Variants in COX16 observed in about 807,000 individuals in gnomAD.
The protein encoded by COX16 is cytochrome c oxidase assembly factor COX16.
In COX16, 12 loss-of-function variants were observed where a neutral mutation model predicts 15.4. The observed-to-expected ratio is 0.78, with a 90% confidence interval of 0.50 to 1.26. COX16 has a LOEUF of 1.26. COX16 is among the 50% of genes most tolerant of loss of function. The pLI, the probability that COX16 is intolerant of heterozygous loss-of-function variation, is 0.00. For synonymous variants in COX16, 46 were observed against 41.1 expected, an observed-to-expected ratio of 1.12 and a Z score of -0.46; for missense variants, 124 against 127.6, an observed-to-expected ratio of 0.97 and a Z score of 0.14.
At chr14:70,351,083 AG>A (rs562518823) in intron 1 of COX16, among the ~76,000 whole-genome samples, 111 of 152,348 alleles carry the variant, frequency 7.3e-4, no homozygotes, top group African/African-American at 2.6e-3. Flanking sequence ...CCATTCTTCA[AG>A]GGGGGATGAA....
At chr14:70,341,418 G>C (rs1374494403) in intron 2 of COX16, among the ~76,000 whole-genome samples, 1 of 152,126 alleles carries the variant, frequency 6.6e-6, no homozygotes, top group Non-Finnish European at 1.5e-5. Flanking sequence ...ACTGAGGTCT[G>C]CTAATAAAAT....
chr14:70,345,125 A>C (rs1886737996), intron 1 of COX16, among the ~76,000 whole-genome samples: 1 of 152,188 alleles, frequency 6.6e-6, no homozygotes, highest in African/African-American at 2.4e-5. Flanking sequence ...CAGCAGCCAG[A>C]CAAAGGAAGC....
chr14:70,352,638 TTTTTTTC>T (rs1306132830), intron 1 of COX16, among the ~76,000 whole-genome samples: 1,374 of 112,506 alleles, frequency 0.012, 31 homozygotes, highest in Non-Finnish European at 0.018. Context: ...TATATTTCTT[TTTTTTTC>T]TTTTTTTTTT....
intron 1 of COX16, among the ~76,000 whole-genome samples, chr14:70,352,287 A>C (rs1886978554): frequency 6.6e-6 from 1 of 152,116 alleles, no homozygotes; most frequent in African/African-American, 2.4e-5. Context: ...CCCAGGTTCA[A>C]GCAATTCTCC....
chr14:70,342,765 A>T, intron 1 of COX16, 36 bp from the exon 2 acceptor site: 1 of 1,602,640 alleles, frequency 6.2e-7, no homozygotes. Flanking sequence ...AGCAAAACAG[A>T]AGACCAGAAT....
rs1417177815 is a variant in COX16, at chr14:70,325,186, A to C, written c.*1147T>G. ...TTTATGATTTTATGGCAATTATAAC[A>C]GGAGTGTTTCAATGGAGACTTTAGG... On this transcript the variant is annotated 3_prime_UTR_variant, in exon 4 of 4. Transcript: ENST00000389912. 4.6e-5 allele frequency: 7 copies of C among 152,224 alleles called. No homozygotes were observed. The highest frequency in any genetic ancestry group is 8.8e-5 in the Non-Finnish European group (6 of 68,046). The allele number at this position is 152,224 out of a possible 1,614,324, so 9.4% of individuals were successfully genotyped here.
At chr14:70,344,947 C>G (rs964644794) in intron 1 of COX16, among the ~76,000 whole-genome samples, 1 of 150,800 alleles carries the variant, frequency 6.6e-6, no homozygotes, top group African/African-American at 2.5e-5. Flanking sequence ...CACCTGCACC[C>G]ACGCGCTCAT....
intron 2 of COX16, among the ~76,000 whole-genome samples, chr14:70,338,674 A>G (rs1886532052): frequency 6.6e-6 from 1 of 152,330 alleles, no homozygotes; most frequent in South Asian, 2.1e-4. Context: ...CAAGAGAACA[A>G]TATGATAATG....
intron 1 of COX16, among the ~76,000 whole-genome samples, chr14:70,344,194 T>G (rs1299308571): frequency 6.6e-6 from 1 of 152,198 alleles, no homozygotes; most frequent in African/African-American, 2.4e-5. Context: ...CCAGGAGCAA[T>G]TTGGGAGGTT....
chr14:70,327,829 GA>G (rs1404533743), intron 3 of COX16, among the ~76,000 whole-genome samples: 1 of 152,084 alleles, frequency 6.6e-6, no homozygotes, highest in Non-Finnish European at 1.5e-5. Context: ...AGTGGCTGAA[GA>G]ATGGGCTATG....
chr14:70,330,326 G>C (rs928392902), intron 2 of COX16, among the ~76,000 whole-genome samples: 1 of 152,072 alleles, frequency 6.6e-6, no homozygotes, highest in Non-Finnish European at 1.5e-5. Flanking sequence ...AACTGACAAA[G>C]GCACAATAGA....
At chr14:70,355,486 T>C (rs149301469) in intron 1 of COX16, among the ~76,000 whole-genome samples, 2 of 152,262 alleles carry the variant, frequency 1.3e-5, no homozygotes, top group Non-Finnish European at 2.9e-5. Context: ...CAACATTCCA[T>C]ACAGACATGA....
intron 1 of COX16, among the ~76,000 whole-genome samples, chr14:70,346,927 G>A (rs556629244): frequency 6.6e-5 from 10 of 151,948 alleles, no homozygotes; most frequent in Admixed American, 2.0e-4. Flanking sequence ...AGTACCCAAC[G>A]CATCAACCCA....
intron 2 of COX16, among the ~76,000 whole-genome samples, chr14:70,336,470 C>G (rs760788589): frequency 3.9e-5 from 6 of 152,146 alleles, no homozygotes; most frequent in Non-Finnish European, 8.8e-5. Flanking sequence ...GTTCAATATA[C>G]TCCTTGGTTT....
chr14:70,340,200 A>C (rs1429587591), intron 2 of COX16, among the ~76,000 whole-genome samples: 1 of 152,166 alleles, frequency 6.6e-6, no homozygotes, highest in Non-Finnish European at 1.5e-5. Flanking sequence ...ACAAGATCTG[A>C]CGGTTTTATA....
Position 70,325,432 on chromosome 14 carries a change from A to G in COX16, c.*901T>C, listed in dbSNP as rs1015511260. 1 of 152,224 alleles carries G rather than the reference A, an allele frequency of 6.6e-6. No individual in the cohort carries two copies. 9.4% of individuals were successfully genotyped at this position (152,224 alleles called of 1,614,324 possible). ...CCATCTCTACTAAATACAAAAAATTAGCCGGGTGTGACAGCATGTGCCTGT... is the reference window on the plus strand; with the variant it reads ...CCATCTCTACTAAATACAAAAAATTGGCCGGGTGTGACAGCATGTGCCTGT... On this transcript the variant is annotated 3_prime_UTR_variant, in exon 4 of 4. Coordinates refer to ENST00000389912, the MANE Select transcript of COX16 (RefSeq NM_016468.7).
chr14:70,329,093 T>G, intron 3 of COX16, 81 bp downstream of exon 3: 1 of 1,342,658 alleles, frequency 7.4e-7, no homozygotes, highest in Non-Finnish European at 1.0e-6. Flanking sequence ...CGTAATTTTT[T>G]TCTGTACTAC....
In COX16 at chr14:70,325,723, C is replaced by G. The variant is rs754042874; in HGVS notation, c.*610G>C. The stretch of plus-strand genomic sequence containing the variant: ...TGCCATATCTGCTTATAATCATACA[C>G]TACTTCATAATTTTTGACAACCATA... On this transcript the variant is annotated 3_prime_UTR_variant, in exon 4 of 4. Transcript: ENST00000389912. 1 of 152,168 alleles carries G rather than the reference C, an allele frequency of 6.6e-6. No homozygotes were observed. Among genetic ancestry groups the G allele is most frequent in the Non-Finnish European group, 1.5e-5 (1 of 68,030 alleles). The allele number at this position is 152,168 out of a possible 1,614,324, so 9.4% of individuals were successfully genotyped here. A position where few individuals can be genotyped will look rare whatever the true frequency, so the allele number is the denominator to read the frequency against.
chr14:70,359,622 G>T lies in COX16; in HGVS notation c.-35C>A, dbSNP rs753315368. ...CTTCCATCGGCTCAGAACTCCAAGC[G>T]GGCCTAGCGCAGACTCCCAAATCTC... On this transcript the variant is annotated 5_prime_UTR_variant, in exon 1 of 4. Coordinates refer to ENST00000389912, the MANE Select transcript of COX16 (RefSeq NM_016468.7). 1 of 1,604,356 alleles carries T rather than the reference G, an allele frequency of 6.2e-7. No individual in the cohort carries two copies. Among genetic ancestry groups the T allele is most frequent in the Admixed American group, 1.7e-5 (1 of 59,970 alleles).
Sources: gnomAD v4.1 joint callset for allele counts (sites outside exome capture counted in the v4.1 genomes callset) on GRCh38, gnomAD v4.1.1 for gene constraint, MANE v1.5 for transcripts, NCBI Gene and HGNC (gene_info 2026-07-23, HGNC 2026-07-21) for gene names.